The following TEC variants were observed in gnomAD, a reference collection of about 807,000 sequenced individuals.
TEC encodes tec protein tyrosine kinase, also known as tyrosine-protein kinase Tec.
TEC carries 72 observed loss-of-function variants against 93.0 expected under a neutral mutation model. The ratio of observed to expected loss-of-function variants is 0.77; its 90% CI spans 0.64 to 0.94. TEC has a LOEUF of 0.94. Among genes scored for constraint, TEC ranks in the 40% least tolerant of loss-of-function variants. The probability of loss-of-function intolerance (pLI) is 0.00; values close to 1 mark genes in which losing one functional copy is unlikely to be tolerated. For missense variants in TEC, 630 were observed against 757.9 expected (o/e 0.83, Z 1.98); for synonymous variants, 249 against 247.7 (o/e 1.01, Z -0.05).
intron 2 of TEC, among the ~76,000 whole-genome samples, chr4:48,209,921 C>CA (rs1231840340): frequency 1.3e-5 from 2 of 152,154 alleles, no homozygotes; most frequent in Non-Finnish European, 2.9e-5. Flanking sequence ...ATTTCACTGT[C>CA]AGAGTTTGCA....
chr4:48,154,072 A>C (rs1228207308), intron 9 of TEC, among the ~76,000 whole-genome samples: 3 of 152,240 alleles, frequency 2.0e-5, no homozygotes, highest in South Asian at 2.1e-4. Flanking sequence ...TGCTGTGCTA[A>C]CAAAAGGGAA....
chr4:48,218,315 T>C (rs1723144061), intron 2 of TEC, among the ~76,000 whole-genome samples: 1 of 152,210 alleles, frequency 6.6e-6, no homozygotes, highest in Non-Finnish European at 1.5e-5. Context: ...TTTAGAGTCA[T>C]GTCACTTTTG....
intron 9 of TEC, among the ~76,000 whole-genome samples, chr4:48,155,429 G>A (rs1020367996): frequency 6.6e-6 from 1 of 152,148 alleles, no homozygotes; most frequent in African/African-American, 2.4e-5. Flanking sequence ...AAGCCAGTTA[G>A]CACCTCCCAG....
intron 12 of TEC, 128 bp from the exon 13 acceptor site, chr4:48,145,707 G>A (rs1470945969): frequency 9.6e-7 from 1 of 1,041,190 alleles, no homozygotes; most frequent in Non-Finnish European, 1.4e-6. Context: ...ATAATTCCTG[G>A]TAAAACACAG....
Position 48,136,508 on chromosome 4 carries a change from G to A in TEC, c.*908C>T, listed in dbSNP as rs997658632. 1.3e-5 allele frequency: 2 copies of A among 152,184 alleles called. No homozygotes were observed. Among genetic ancestry groups the A allele is most frequent in the Non-Finnish European group, 2.9e-5 (2 of 68,066 alleles). 9.4% of individuals were successfully genotyped at this position (152,184 alleles called of 1,614,324 possible). On this transcript the variant is annotated 3_prime_UTR_variant, in exon 18 of 18. Transcript: ENST00000381501. ...TCTGTGTCCCAGGGAATATTCTTAA[G>A]GCTTAGAAGTAGATTACCCGGTTTA...
intron 2 of TEC, among the ~76,000 whole-genome samples, chr4:48,211,983 C>T (rs923659850): frequency 6.6e-6 from 1 of 151,314 alleles, no homozygotes; most frequent in Admixed American, 6.6e-5. Context: ...CCTGTAGTCC[C>T]ATCTACTCAG....
At chr4:48,152,649 C>T (rs923834703) in intron 9 of TEC, among the ~76,000 whole-genome samples, 1 of 152,038 alleles carries the variant, frequency 6.6e-6, no homozygotes, top group South Asian at 2.1e-4. Flanking sequence ...GTAATTTGCA[C>T]CAGGTCATGC....
chr4:48,265,231 A>G (rs1015923358), intron 1 of TEC, among the ~76,000 whole-genome samples: 10 of 151,796 alleles, frequency 6.6e-5, no homozygotes, highest in African/African-American at 2.4e-4. Context: ...GGCAACCAAA[A>G]AAATAGAGAT....
intron 8 of TEC, among the ~76,000 whole-genome samples, chr4:48,159,635 C>T (rs1399634279): frequency 6.6e-6 from 1 of 151,286 alleles, no homozygotes; most frequent in Non-Finnish European, 1.5e-5. Flanking sequence ...GGCAACCTGC[C>T]CCTCCTGGGT....
intron 2 of TEC, among the ~76,000 whole-genome samples, chr4:48,222,687 A>G (rs1234758880): frequency 6.7e-6 from 1 of 149,588 alleles, no homozygotes. Flanking sequence ...TTGCCTCACT[A>G]CTTGGGCTGA....
At chr4:48,246,309 C>T (rs1210335711) in intron 1 of TEC, among the ~76,000 whole-genome samples, 2 of 152,052 alleles carry the variant, frequency 1.3e-5, no homozygotes, top group African/African-American at 4.8e-5. Context: ...ATCCCACATT[C>T]GTGGATGAAA....
intron 2 of TEC, among the ~76,000 whole-genome samples, chr4:48,202,130 A>T (rs1722544116): frequency 6.6e-6 from 1 of 151,944 alleles, no homozygotes; most frequent in Non-Finnish European, 1.5e-5. Context: ...TTTAAGGTGG[A>T]CAGGTTTCCA....
intron 2 of TEC, among the ~76,000 whole-genome samples, chr4:48,193,032 C>G (rs1722145868): frequency 1.3e-5 from 2 of 152,058 alleles, no homozygotes; most frequent in Non-Finnish European, 2.9e-5. Context: ...TTGAATAAGT[C>G]AATGAATGAA....
chr4:48,227,317 G>A (rs1723498852), intron 2 of TEC, among the ~76,000 whole-genome samples: 2 of 152,066 alleles, frequency 1.3e-5, no homozygotes, highest in Non-Finnish European at 2.9e-5. Context: ...ATCAACGTCT[G>A]AGGAAGATAC....
chr4:48,201,148 T>C (rs1273281375), intron 2 of TEC, among the ~76,000 whole-genome samples: 1 of 152,148 alleles, frequency 6.6e-6, no homozygotes, highest in Non-Finnish European at 1.5e-5. Flanking sequence ...ATAGAACCTG[T>C]TGAGAGTCCA....
At chr4:48,201,423 G>T (rs1231396639) in intron 2 of TEC, among the ~76,000 whole-genome samples, 2 of 152,152 alleles carry the variant, frequency 1.3e-5, no homozygotes, top group East Asian at 3.9e-4. Flanking sequence ...GTCTTCTAAG[G>T]CAAGCACAGA....
At chr4:48,232,249 A>T in intron 1 of TEC, among the ~76,000 whole-genome samples, 1 of 152,114 alleles carries the variant, frequency 6.6e-6, no homozygotes, top group East Asian at 1.9e-4. Flanking sequence ...AGATCACGCC[A>T]TTGTGCTACA....
intron 1 of TEC, among the ~76,000 whole-genome samples, chr4:48,233,048 G>C (rs1378223561): frequency 1.3e-5 from 2 of 152,208 alleles, no homozygotes; most frequent in East Asian, 3.8e-4. Flanking sequence ...TATTTCGGAA[G>C]ACTATAAAAC....
intron 11 of TEC, among the ~76,000 whole-genome samples, chr4:48,149,099 T>C (rs546120482): frequency 6.6e-6 from 1 of 152,320 alleles, no homozygotes; most frequent in Admixed American, 6.5e-5. Flanking sequence ...GTTAATTCCA[T>C]GTCTTTGCTA....
Sources: gnomAD v4.1 joint callset for allele counts (sites outside exome capture counted in the v4.1 genomes callset) on GRCh38, gnomAD v4.1.1 for gene constraint, MANE v1.5 for transcripts, NCBI Gene and HGNC (gene_info 2026-07-23, HGNC 2026-07-21) for gene names.